The following TAFA1 variants were observed in gnomAD, a reference collection of about 807,000 sequenced individuals.
The protein encoded by TAFA1 is chemokine-like protein TAFA-1.
In TAFA1, 4 loss-of-function variants were observed where a neutral mutation model predicts 18.5. The ratio of observed to expected loss-of-function variants is 0.22; its 90% CI spans 0.11 to 0.49. TAFA1 has a LOEUF of 0.49. TAFA1 is among the 20% of genes least tolerant of loss of function. The pLI is 0.98. For missense variants in TAFA1, 147 were observed against 169.0 expected (o/e 0.87, Z 0.72); for synonymous variants, 56 against 55.2 (o/e 1.01, Z -0.06).
intron 2 of TAFA1, among the ~76,000 whole-genome samples, chr3:68,212,795 G>A (rs1295431219): frequency 6.6e-6 from 1 of 151,982 alleles, no homozygotes; most frequent in Non-Finnish European, 1.5e-5. Context: ...AAAGGGGATG[G>A]TTGCCATGGA....
At chr3:68,050,045 C>G (rs1174898486) in intron 2 of TAFA1, among the ~76,000 whole-genome samples, 1 of 152,118 alleles carries the variant, frequency 6.6e-6, no homozygotes, top group Non-Finnish European at 1.5e-5. Flanking sequence ...GTGCAGGTTA[C>G]ATAACCTCTC....
At chr3:68,028,045 T>C (rs1309462248) in intron 2 of TAFA1, among the ~76,000 whole-genome samples, 2 of 152,006 alleles carry the variant, frequency 1.3e-5, no homozygotes, top group East Asian at 3.9e-4. Context: ...TCAATAGAAA[T>C]ATGATGGACT....
At chr3:68,001,067 G>A (rs1704278672), upstream of TAFA1, among the ~76,000 whole-genome samples, 1 of 152,028 alleles carries the variant, frequency 6.6e-6, no homozygotes, top group African/African-American at 2.4e-5. Flanking sequence ...TCTGATATAT[G>A]TTCATATCCT....
chr3:68,254,552 G>A (rs2067261745), intron 2 of TAFA1, among the ~76,000 whole-genome samples: 1 of 151,952 alleles, frequency 6.6e-6, no homozygotes, highest in Admixed American at 6.6e-5. Context: ...AATTACTGAG[G>A]TCACTTTCTA....
chr3:68,355,437 T>G (rs2069342773), intron 2 of TAFA1, among the ~76,000 whole-genome samples: 1 of 151,946 alleles, frequency 6.6e-6, no homozygotes, highest in Non-Finnish European at 1.5e-5. Flanking sequence ...GGCTAATAAA[T>G]AGAACTGAGT....
chr3:68,386,558 A>C (rs1456621116), intron 2 of TAFA1, among the ~76,000 whole-genome samples: 1 of 152,104 alleles, frequency 6.6e-6, no homozygotes, highest in African/African-American at 2.4e-5. Flanking sequence ...CCTGGAGGAG[A>C]CTGGCCTAGC....
chr3:68,460,295 A>G (rs1007697447), intron 3 of TAFA1, among the ~76,000 whole-genome samples: 3 of 152,176 alleles, frequency 2.0e-5, no homozygotes, highest in African/African-American at 7.2e-5. Flanking sequence ...ACCATCTGAT[A>G]AATCCAGGTC....
In TAFA1 at chr3:68,538,802, A is replaced by T; in HGVS notation, c.306A>T (p.Leu102=). 6.2e-7 allele frequency: 1 copy of T among 1,613,584 alleles called. No individual in the cohort carries two copies. Among genetic ancestry groups the T allele is most frequent in the African/African-American group, 1.3e-5 (1 of 75,026 alleles). Residue 102 remains leucine, a synonymous_variant, in exon 4 of 5, where the codon CTA becomes CTT. Coordinates refer to ENST00000478136, the MANE Select transcript of TAFA1 (RefSeq NM_213609.4). ...GKWWCEMEPC[L]EGEECKTLPD... is the part of the protein sequence containing the mutation. ...GGTGGTGTGAGATGGAGCCTTGCCT[A>T]GAAGGAGAAGAATGTAAGACACTCC...
intron 2 of TAFA1, among the ~76,000 whole-genome samples, chr3:68,142,291 T>A (rs538043834): frequency 6.6e-6 from 1 of 152,336 alleles, no homozygotes; most frequent in East Asian, 1.9e-4. Flanking sequence ...GAAGTTAAAG[T>A]GCCCAAGATC....
Position 68,147,511 on chromosome 3 carries a change from A to G in TAFA1, c.118+140767A>G, listed in dbSNP as rs141885302. Among the ~76,000 whole-genome samples, 415 of 152,110 alleles carry G rather than the reference A, an allele frequency of 2.7e-3. 1 individual carries two copies. The highest frequency in any genetic ancestry group is 4.6e-3 in the Non-Finnish European group (312 of 68,000). On this transcript the variant is annotated intron_variant, in intron 2 of 4. Transcript: ENST00000478136. The stretch of plus-strand genomic sequence containing the variant: ...ATCTCTAGGGCCACTTAATATGTTA[A>G]GCTCGCTTTCCTGAGCCTCTCCTGT...
intron 2 of TAFA1, among the ~76,000 whole-genome samples, chr3:68,325,569 A>G (rs1204469689): frequency 6.6e-6 from 1 of 152,154 alleles, no homozygotes; most frequent in Non-Finnish European, 1.5e-5. Flanking sequence ...ATTATAGTCT[A>G]TGTTCTGGCT....
At chr3:68,465,345 G>C (rs1041341465) in intron 3 of TAFA1, among the ~76,000 whole-genome samples, 3 of 152,090 alleles carry the variant, frequency 2.0e-5, no homozygotes, top group African/African-American at 7.2e-5. Context: ...TGAGTCTGTT[G>C]AGCATCAAAA....
At chr3:68,076,746 T>G (rs1379627936) in intron 2 of TAFA1, among the ~76,000 whole-genome samples, 1 of 152,286 alleles carries the variant, frequency 6.6e-6, no homozygotes, top group African/African-American at 2.4e-5. Flanking sequence ...TTTGCTATTG[T>G]GAATAATGCC....
chr3:68,379,846 A>G (rs1364415020), intron 2 of TAFA1, among the ~76,000 whole-genome samples: 1 of 151,530 alleles, frequency 6.6e-6, no homozygotes, highest in Non-Finnish European at 1.5e-5. Flanking sequence ...TACATGTGCC[A>G]TGTTGGTGTG....
intron 2 of TAFA1, among the ~76,000 whole-genome samples, chr3:68,269,694 G>A (rs2067624551): frequency 6.6e-6 from 1 of 152,138 alleles, no homozygotes; most frequent in South Asian, 2.1e-4. Flanking sequence ...GGCCAAGATA[G>A]TGGGATCACC....
chr3:68,288,279 C>T (rs2107271797), intron 2 of TAFA1, among the ~76,000 whole-genome samples: 1 of 152,274 alleles, frequency 6.6e-6, no homozygotes, highest in South Asian at 2.1e-4. Context: ...CCTGACATTG[C>T]CATAGGCGCA....
chr3:68,048,813 A>G (rs2106697122), intron 2 of TAFA1, among the ~76,000 whole-genome samples: 1 of 152,312 alleles, frequency 6.6e-6, no homozygotes, highest in South Asian at 2.1e-4. Context: ...ATGGCTGAAT[A>G]GTACTCTATT....
chr3:68,439,412 C>CATATATATGTATATGTATATATATAT (rs2071327862), intron 3 of TAFA1, among the ~76,000 whole-genome samples: 1 of 73,462 alleles, frequency 1.4e-5, no homozygotes, highest in African/African-American at 7.1e-5. Context: ...TATATACATA[C>CATATATATGTATATGTATATATATAT]ATATATATAT....
chr3:68,424,818 C>T (rs1219857317), intron 3 of TAFA1, among the ~76,000 whole-genome samples: 1 of 151,974 alleles, frequency 6.6e-6, no homozygotes, highest in Non-Finnish European at 1.5e-5. Flanking sequence ...AACTTGAACA[C>T]AATATTTCCC....
Sources: gnomAD v4.1 joint callset for allele counts (sites outside exome capture counted in the v4.1 genomes callset) on GRCh38, gnomAD v4.1.1 for gene constraint, MANE v1.5 for transcripts, NCBI Gene and HGNC (gene_info 2026-07-23, HGNC 2026-07-21) for gene names.